PCDH15: variants seen among roughly 807,000 people sequenced by gnomAD.
PCDH15 encodes the protein protocadherin related 15, also known as protocadherin-15.
Under a neutral mutation model 178.5 loss-of-function variants are expected in PCDH15, and 129 were observed. The ratio of observed to expected loss-of-function variants is 0.72; its 90% CI spans 0.63 to 0.84. The LOEUF (loss-of-function observed/expected upper bound fraction) is 0.84. Among genes scored for constraint, PCDH15 ranks in the 40% least tolerant of loss-of-function variants. The probability of loss-of-function intolerance (pLI) is 0.00; values close to 1 mark genes in which losing one functional copy is unlikely to be tolerated. For missense variants in PCDH15, 2,230 were observed against 2,099.9 expected (o/e 1.06, Z -1.21); for synonymous variants, 800 against 732.0 (o/e 1.09, Z -1.50).
intron 13 of PCDH15, among the ~76,000 whole-genome samples, chr10:54,163,564 C>G (rs1437482247): frequency 6.6e-6 from 1 of 152,232 alleles, no homozygotes; most frequent in African/African-American, 2.4e-5. Flanking sequence ...AGGTTCACAA[C>G]TCAAGGTGAG....
intron 3 of PCDH15, among the ~76,000 whole-genome samples, chr10:54,505,614 G>C (rs2137570012): frequency 6.6e-6 from 1 of 152,152 alleles, no homozygotes; most frequent in Non-Finnish European, 1.5e-5. Context: ...CATGGAAACA[G>C]GGAGGGGAAC....
intron 2 of PCDH15, among the ~76,000 whole-genome samples, chr10:55,464,905 A>C (rs1330759757): frequency 7.6e-5 from 1 of 13,218 alleles, no homozygotes. Flanking sequence ...TTAAATTGAA[A>C]AAAAAAAAAA....
At chr10:55,436,823 G>A (rs1839051710) in intron 2 of PCDH15, among the ~76,000 whole-genome samples, 1 of 152,150 alleles carries the variant, frequency 6.6e-6, no homozygotes, top group Non-Finnish European at 1.5e-5. Context: ...GTGGTTATAA[G>A]TGGGAGCATT....
intron 18 of PCDH15, among the ~76,000 whole-genome samples, chr10:54,056,414 C>T (rs1314068541): frequency 6.6e-6 from 1 of 152,164 alleles, no homozygotes; most frequent in East Asian, 1.9e-4. Flanking sequence ...GGAAGCCTCG[C>T]AATCATGGCA....
At chr10:54,515,278 A>C (rs1274474924) in intron 3 of PCDH15, among the ~76,000 whole-genome samples, 2 of 152,190 alleles carry the variant, frequency 1.3e-5, no homozygotes, top group Non-Finnish European at 2.9e-5. Flanking sequence ...TCCCACCTTA[A>C]TACTGCACTT....
At chr10:54,339,843 G>A (rs913154974) in intron 6 of PCDH15, among the ~76,000 whole-genome samples, 1 of 152,094 alleles carries the variant, frequency 6.6e-6, no homozygotes, top group East Asian at 1.9e-4. Flanking sequence ...AGCAACAATC[G>A]TATTAGCGTG....
intron 1 of PCDH15, among the ~76,000 whole-genome samples, chr10:54,762,450 TAA>T (rs1948006086): frequency 6.6e-6 from 1 of 152,106 alleles, no homozygotes. Context: ...CTTATGAACA[TAA>T]GAGTTGATAT....
intron 1 of PCDH15, among the ~76,000 whole-genome samples, chr10:54,742,108 C>G (rs1944889642): frequency 6.6e-6 from 1 of 151,924 alleles, no homozygotes; most frequent in Non-Finnish European, 1.5e-5. Flanking sequence ...GAATATGTAC[C>G]ATCACTATTT....
At chr10:55,517,611 A>G (rs60183117) in intron 2 of PCDH15, among the ~76,000 whole-genome samples, 56,078 of 152,008 alleles carry the variant, frequency 0.37, 10,857 homozygotes, top group East Asian at 0.48. Context: ...AAAACTAAAC[A>G]TGCAACTATC....
At chr10:54,184,083 A>G (rs2133806265) in intron 12 of PCDH15, among the ~76,000 whole-genome samples, 1 of 152,278 alleles carries the variant, frequency 6.6e-6, no homozygotes, top group East Asian at 1.9e-4. Flanking sequence ...GTATCATTTA[A>G]TTGTGATATT....
chr10:55,268,853 C>A (rs972409549), intron 1 of PCDH15, among the ~76,000 whole-genome samples: 2 of 151,890 alleles, frequency 1.3e-5, no homozygotes, highest in African/African-American at 2.4e-5. Flanking sequence ...TTTTTTCTTA[C>A]TATTATGGAA....
intron 3 of PCDH15, among the ~76,000 whole-genome samples, chr10:54,470,278 G>A (rs1271872025): frequency 6.6e-6 from 1 of 152,154 alleles, no homozygotes; most frequent in Non-Finnish European, 1.5e-5. Flanking sequence ...TATAAACCGG[G>A]CAGCCTTTCT....
At chr10:54,583,010 T>A (rs2091171357) in intron 2 of PCDH15, among the ~76,000 whole-genome samples, 1 of 144,476 alleles carries the variant, frequency 6.9e-6, no homozygotes, top group African/African-American at 2.6e-5. Context: ...TCTTAGAATA[T>A]CTTGCATATA....
At chr10:54,352,627 T>G (rs914476084) in intron 5 of PCDH15, among the ~76,000 whole-genome samples, 2 of 152,114 alleles carry the variant, frequency 1.3e-5, no homozygotes. Context: ...TTTCTACTAA[T>G]AGACATTAAC....
At chr10:54,687,540 C>T (rs879927465) in intron 1 of PCDH15, among the ~76,000 whole-genome samples, 15 of 152,062 alleles carry the variant, frequency 9.9e-5, no homozygotes, top group Non-Finnish European at 1.8e-4. Flanking sequence ...TAGGTCTAAC[C>T]TTGGGCTTCT....
chr10:54,509,045 C>T (rs1399837809), intron 3 of PCDH15, among the ~76,000 whole-genome samples: 2 of 152,038 alleles, frequency 1.3e-5, no homozygotes, highest in East Asian at 3.9e-4. Flanking sequence ...CTTCCTGTGA[C>T]ATCATGTTGG....
intron 3 of PCDH15, among the ~76,000 whole-genome samples, chr10:54,428,997 G>T (rs954859333): frequency 1.3e-5 from 2 of 152,106 alleles, no homozygotes; most frequent in African/African-American, 4.8e-5. Context: ...AACCTCACTG[G>T]TAATACTAAG....
intron 2 of PCDH15, among the ~76,000 whole-genome samples, chr10:55,560,689 A>G (rs79269003): frequency 0.021 from 3,247 of 151,998 alleles, 121 homozygotes; most frequent in African/African-American, 0.074. Flanking sequence ...ATGATCTTCA[A>G]ACTTTCTCTT....
chr10:54,310,174 A>G (rs986502998), intron 8 of PCDH15, among the ~76,000 whole-genome samples: 2 of 152,086 alleles, frequency 1.3e-5, no homozygotes, highest in Non-Finnish European at 2.9e-5. Flanking sequence ...GGTCAGATAT[A>G]AGTTACTTTG....
Sources: allele counts gnomAD v4.1 joint callset (sites outside exome capture counted in the v4.1 genomes callset), GRCh38; gene constraint gnomAD v4.1.1; transcripts MANE v1.5; gene names NCBI Gene and HGNC (gene_info 2026-07-23, HGNC 2026-07-21).